EYS: variants seen among roughly 807,000 people sequenced by gnomAD.
The protein encoded by EYS is protein eyes shut homolog.
Under a neutral mutation model 282.1 loss-of-function variants are expected in EYS, and 250 were observed. The ratio of observed to expected loss-of-function variants is 0.89; its 90% CI spans 0.80 to 0.98. The LOEUF is 0.98. Ranked by LOEUF, EYS falls within the 50% of genes least tolerant of loss-of-function variation. EYS has a pLI of 0.00. For synonymous variants in EYS, 1,355 were observed against 1,282.9 expected, an observed-to-expected ratio of 1.06 and a Z score of -1.20; for missense variants, 4,016 against 3,709.0, an observed-to-expected ratio of 1.08 and a Z score of -2.15.
chr6:65,079,085 A>G (rs1774146428), intron 12 of EYS, among the ~76,000 whole-genome samples: 1 of 151,984 alleles, frequency 6.6e-6, no homozygotes, highest in African/African-American at 2.4e-5. Context: ...GCTCAGTCTC[A>G]TGTATTTCTT....
At chr6:64,629,284 A>T (rs757501704) in intron 22 of EYS, among the ~76,000 whole-genome samples, 13 of 152,160 alleles carry the variant, frequency 8.5e-5, no homozygotes, top group Non-Finnish European at 1.9e-4. Flanking sequence ...TTATATTAAC[A>T]TTACTCTTTA....
chr6:65,230,732 T>G (rs1187074277), intron 12 of EYS, among the ~76,000 whole-genome samples: 1 of 151,788 alleles, frequency 6.6e-6, no homozygotes, highest in East Asian at 1.9e-4. Context: ...ATATCTTTTT[T>G]CAGAGAGTAA....
rs1236776780 is a variant in EYS at position 65,028,119 on chromosome 6, G to A, written c.2137+29495C>T. Among the ~76,000 whole-genome samples, 4 of 151,996 alleles carry A rather than the reference G, an allele frequency of 2.6e-5. No individual in the cohort carries two copies. In the East Asian group the frequency reaches 5.8e-4, roughly 22 times the overall value. On this transcript the variant is annotated intron_variant, in intron 13 of 42. Transcript: ENST00000503581. ...TCATTTTTATCTTACTAAGAGGTGTGCAGTGCTCATCATGGAGTATTAAGA... is the reference window on the plus strand; with the variant it reads ...TCATTTTTATCTTACTAAGAGGTGTACAGTGCTCATCATGGAGTATTAAGA...
At chr6:64,647,110 A>G (rs13218461) in intron 22 of EYS, among the ~76,000 whole-genome samples, 29,668 of 152,168 alleles carry the variant, frequency 0.19, 3,418 homozygotes, top group East Asian at 0.35. Context: ...TAATATTTAC[A>G]TAATTTAATA....
intron 12 of EYS, among the ~76,000 whole-genome samples, chr6:65,084,106 A>G (rs1475677244): frequency 6.6e-6 from 1 of 152,102 alleles, no homozygotes; most frequent in Non-Finnish European, 1.5e-5. Context: ...CGTTCAAATT[A>G]GCATGTCAGC....
intron 36 of EYS, among the ~76,000 whole-genome samples, chr6:63,818,071 A>G (rs184069953): frequency 6.6e-6 from 1 of 152,328 alleles, no homozygotes; most frequent in Admixed American, 6.5e-5. Flanking sequence ...ACAGTAAAAT[A>G]CCTAAGATTA....
chr6:64,510,934 C>T (rs2150518916), intron 26 of EYS, among the ~76,000 whole-genome samples: 1 of 152,098 alleles, frequency 6.6e-6, no homozygotes, highest in East Asian at 1.9e-4. Flanking sequence ...CCACCTGGGG[C>T]CACGCTTAAG....
At chr6:64,193,164 T>C (rs979907471) in intron 31 of EYS, among the ~76,000 whole-genome samples, 4 of 152,216 alleles carry the variant, frequency 2.6e-5, no homozygotes, top group Non-Finnish European at 5.9e-5. Context: ...CAAAATAAAA[T>C]TGAAGTAATT....
intron 33 of EYS, among the ~76,000 whole-genome samples, chr6:64,050,144 T>C (rs1417065677): frequency 6.6e-6 from 1 of 152,184 alleles, no homozygotes; most frequent in Non-Finnish European, 1.5e-5. Context: ...AACAGAGATA[T>C]ATTTATGTTC....
At chr6:65,456,758 C>T (rs539843481) in intron 5 of EYS, among the ~76,000 whole-genome samples, 1 of 151,650 alleles carries the variant, frequency 6.6e-6, no homozygotes, top group South Asian at 2.1e-4. Flanking sequence ...AAGTATGTAA[C>T]TTTATGCCTA....
chr6:64,855,431 G>T (rs368668192), intron 19 of EYS, among the ~76,000 whole-genome samples: 26 of 151,984 alleles, frequency 1.7e-4, no homozygotes, highest in African/African-American at 6.0e-4. Flanking sequence ...TATTCCAAAA[G>T]AATTTTTCAT....
intron 26 of EYS, among the ~76,000 whole-genome samples, chr6:64,502,683 G>T (rs1224523949): frequency 1.3e-5 from 2 of 151,076 alleles, no homozygotes; most frequent in African/African-American, 4.9e-5. Context: ...GTTTTTCTCT[G>T]CTATTGACAG....
At chr6:65,019,084 A>G (rs916303958) in intron 13 of EYS, among the ~76,000 whole-genome samples, 1 of 152,160 alleles carries the variant, frequency 6.6e-6, no homozygotes, top group African/African-American at 2.4e-5. Context: ...TATCAATCCG[A>G]TGATTTCACC....
chr6:64,927,466 G>T (rs910875340), intron 15 of EYS, among the ~76,000 whole-genome samples: 1 of 152,080 alleles, frequency 6.6e-6, no homozygotes. Flanking sequence ...TCTATAGACT[G>T]AAACAATTTA....
chr6:65,457,093 G>A (rs1764648349), intron 5 of EYS, among the ~76,000 whole-genome samples: 1 of 152,132 alleles, frequency 6.6e-6, no homozygotes, highest in Admixed American at 6.6e-5. Context: ...AAAGATGGAA[G>A]CAATTAATTG....
intron 12 of EYS, among the ~76,000 whole-genome samples, chr6:65,272,003 G>C (rs946158684): frequency 2.0e-5 from 3 of 152,166 alleles, no homozygotes; most frequent in Non-Finnish European, 4.4e-5. Flanking sequence ...AGGAGGTAAA[G>C]TTCTCAGCAT....
intron 2 of EYS, among the ~76,000 whole-genome samples, chr6:65,633,606 C>T (rs1043027644): frequency 7.2e-5 from 11 of 152,120 alleles, no homozygotes; most frequent in Admixed American, 7.2e-4. Flanking sequence ...TTATTCAGTG[C>T]TTCTCCCTCT....
intron 35 of EYS, among the ~76,000 whole-genome samples, chr6:63,980,143 C>T (rs1406765943): frequency 1.3e-5 from 2 of 151,820 alleles, no homozygotes; most frequent in Non-Finnish European, 2.9e-5. Context: ...TCATTCACTA[C>T]CCCACTCTTG....
chr6:64,543,724 T>A (rs973045791), intron 26 of EYS, among the ~76,000 whole-genome samples: 1 of 152,146 alleles, frequency 6.6e-6, no homozygotes, highest in Non-Finnish European at 1.5e-5. Flanking sequence ...ACACACTAGT[T>A]ATTGAACTTT....
Sources: gnomAD v4.1 joint callset for allele counts (sites outside exome capture counted in the v4.1 genomes callset) on GRCh38, gnomAD v4.1.1 for gene constraint, MANE v1.5 for transcripts, NCBI Gene and HGNC (gene_info 2026-07-23, HGNC 2026-07-21) for gene names.